Variants in ME3 observed in about 807,000 individuals in gnomAD.
ME3 encodes malic enzyme 3.
In ME3, 48 loss-of-function variants were observed where a neutral mutation model predicts 68.9. The observed-to-expected ratio is 0.70, with a 90% CI of 0.55 to 0.89. The LOEUF is 0.89. ME3 is among the 40% of genes least tolerant of loss of function. ME3 has a pLI of 0.00. For synonymous variants in ME3, 320 were observed against 318.8 expected (o/e 1.00, Z -0.04); for missense variants, 675 against 797.4 (o/e 0.85, Z 1.85).
intron 2 of ME3, among the ~76,000 whole-genome samples, chr11:86,639,579 G>T (rs1409519957): frequency 6.6e-6 from 1 of 152,164 alleles, no homozygotes; most frequent in Non-Finnish European, 1.5e-5. Context: ...TAGAATCCTG[G>T]ATCTGAGCTT....
At chr11:86,449,751 T>C in intron 10 of ME3, 138 bp downstream of exon 10, 1 of 626,626 alleles carries the variant, frequency 1.6e-6, no homozygotes. Context: ...ATGAATCTTT[T>C]GCTTTGGAGC....
At chr11:86,476,549 G>C (rs683899) in intron 7 of ME3, among the ~76,000 whole-genome samples, 44,436 of 152,042 alleles carry the variant, frequency 0.29, 6,947 homozygotes, top group Non-Finnish European at 0.33. Context: ...GTTACTTGAG[G>C]GGGTGACTGA....
At chr11:86,633,178 TAC>T (rs1365571162) in intron 2 of ME3, among the ~76,000 whole-genome samples, 1 of 152,182 alleles carries the variant, frequency 6.6e-6, no homozygotes, top group Non-Finnish European at 1.5e-5. Context: ...AAGGCCACAT[TAC>T]AGTCTCCAAG....
intron 2 of ME3, among the ~76,000 whole-genome samples, chr11:86,572,472 C>A (rs1565156595): frequency 6.6e-6 from 1 of 152,122 alleles, no homozygotes; most frequent in Non-Finnish European, 1.5e-5. Context: ...GTATGTTGTT[C>A]CCCTCCTTGT....
At chr11:86,450,312 C>G (rs138592641) in exon 9 of ME3, 1 of 1,614,054 alleles carries the variant, frequency 6.2e-7, no homozygotes, top group Non-Finnish European at 8.5e-7. Flanking sequence ...TCGCCTGCAC[C>G]TTGGAAAACA....
chr11:86,556,188 G>A (rs1956914046), intron 4 of ME3, among the ~76,000 whole-genome samples: 1 of 152,114 alleles, frequency 6.6e-6, no homozygotes, highest in Non-Finnish European at 1.5e-5. Flanking sequence ...ATTATTCATT[G>A]GCCTGAATTG....
chr11:86,531,045 A>T (rs920440997), intron 4 of ME3, among the ~76,000 whole-genome samples: 13 of 152,182 alleles, frequency 8.5e-5, no homozygotes, highest in African/African-American at 3.1e-4. Context: ...AGAAACTACC[A>T]TCAGAGTGAA....
chr11:86,640,707 C>T (rs1331400892), intron 2 of ME3, among the ~76,000 whole-genome samples: 1 of 152,240 alleles, frequency 6.6e-6, no homozygotes, highest in Admixed American at 6.5e-5. Flanking sequence ...TCTCTCTCAT[C>T]ACCTCTCTTC....
At chr11:86,646,496 T>G (rs1306585682) in intron 2 of ME3, among the ~76,000 whole-genome samples, 2 of 152,240 alleles carry the variant, frequency 1.3e-5, no homozygotes, top group African/African-American at 4.8e-5. Context: ...AAGACAGGAT[T>G]AGAGAACAAA....
chr11:86,546,732 T>C (rs1490018883), intron 4 of ME3, among the ~76,000 whole-genome samples: 1 of 152,178 alleles, frequency 6.6e-6, no homozygotes, highest in African/African-American at 2.4e-5. Context: ...TGTAAATTTG[T>C]TCAACCATTG....
intron 2 of ME3, among the ~76,000 whole-genome samples, chr11:86,591,590 T>G (rs1959063600): frequency 6.6e-6 from 1 of 152,206 alleles, no homozygotes; most frequent in Admixed American, 6.5e-5. Flanking sequence ...TGTATTACTC[T>G]GTTCTCATGC....
chr11:86,666,879 T>C (rs1242715665), intron 2 of ME3, among the ~76,000 whole-genome samples: 5 of 152,182 alleles, frequency 3.3e-5, no homozygotes, highest in East Asian at 3.9e-4. Flanking sequence ...GCCAAATCCA[T>C]AGTAACAACC....
intron 8 of ME3, among the ~76,000 whole-genome samples, chr11:86,451,276 G>T (rs151134617): frequency 8.5e-4 from 130 of 152,316 alleles, no homozygotes; most frequent in Non-Finnish European, 1.2e-3. Flanking sequence ...GTGATAAGGA[G>T]GTCTGGGGAA....
At position 86,521,425 on chromosome 11, in the gene ME3, A is replaced by AAAAT. The variant is rs754170121; in HGVS notation, c.468-12559_468-12558insATTT. The stretch of plus-strand genomic sequence containing the variant: ...CAAACAAACAAAACAAAACAAAACA[A>AAAAT]AACAAAAATAATAATAATAATAATA... On this transcript the variant is annotated intron_variant, in intron 4 of 14. Coordinates refer to ENST00000543262, the Ensembl canonical transcript of ME3. 3.4e-4 allele frequency among the ~76,000 whole-genome samples: 40 copies of AAAAT among 118,302 alleles called. 1 individual carries two copies. The highest frequency in any genetic ancestry group is 2.6e-3 in the South Asian group (10 of 3,792). The allele number at this position is 118,302 out of a possible 152,430, so 77.6% of individuals were successfully genotyped here.
chr11:86,437,275 A>G (rs1452693852), downstream of ME3: 1 of 152,136 alleles, frequency 6.6e-6, no homozygotes, highest in African/African-American at 2.4e-5. Flanking sequence ...CATTGCACAT[A>G]TATATTCATT....
chr11:86,568,663 C>G (rs772632848), intron 2 of ME3, among the ~76,000 whole-genome samples: 1 of 152,234 alleles, frequency 6.6e-6, no homozygotes, highest in Non-Finnish European at 1.5e-5. Context: ...TCTGTCCCAG[C>G]CTTCTGCTCT....
At chr11:86,578,984 T>A (rs1958280955) in intron 2 of ME3, among the ~76,000 whole-genome samples, 1 of 152,216 alleles carries the variant, frequency 6.6e-6, no homozygotes. Flanking sequence ...TAGCAAGTTC[T>A]AGAAATGAGA....
intron 13 of ME3, 142 bp downstream of exon 13, chr11:86,446,172 A>G (rs2138598048): frequency 1.1e-6 from 1 of 896,466 alleles, no homozygotes; most frequent in East Asian, 2.5e-5. Flanking sequence ...GCCATGAGAG[A>G]TGCTTGAGGT....
chr11:86,660,403 T>C (rs1594816838), intron 2 of ME3, among the ~76,000 whole-genome samples: 1 of 152,212 alleles, frequency 6.6e-6, no homozygotes, highest in Non-Finnish European at 1.5e-5. Context: ...CAAGAACTAA[T>C]TGGACACTTA....
Sources: gnomAD v4.1 joint callset for allele counts (sites outside exome capture counted in the v4.1 genomes callset) on GRCh38, gnomAD v4.1.1 for gene constraint, MANE v1.5 for transcripts, NCBI Gene and HGNC (gene_info 2026-07-23, HGNC 2026-07-21) for gene names.